Variants in NRXN3 observed in about 807,000 individuals in gnomAD.
NRXN3 encodes neurexin 3.
A neutral mutation model predicts 137.6 loss-of-function variants in NRXN3; 32 were observed. The ratio of observed to expected loss-of-function variants is 0.23; its 90% CI spans 0.18 to 0.31. NRXN3 has a LOEUF of 0.31. NRXN3 is among the 10% of genes least tolerant of loss of function. The pLI, the probability that NRXN3 is intolerant of heterozygous loss-of-function variation, is 1.00. For synonymous variants in NRXN3, 798 were observed against 784.5 expected (o/e 1.02, Z -0.29); for missense variants, 1,574 against 2,062.5 (o/e 0.76, Z 4.59).
chr14:79,768,062 G>A (rs879905812), intron 19 of NRXN3, among the ~76,000 whole-genome samples: 26 of 152,286 alleles, frequency 1.7e-4, no homozygotes, highest in African/African-American at 2.4e-4. Context: ...GTGCTTTTCC[G>A]ACGGGCTTAA....
At chr14:78,465,278 A>G (rs2095064142) in intron 4 of NRXN3, among the ~76,000 whole-genome samples, 1 of 152,182 alleles carries the variant, frequency 6.6e-6, no homozygotes, top group South Asian at 2.1e-4. Flanking sequence ...AATTGTTTAG[A>G]TACCTAAATA....
intron 20 of NRXN3, among the ~76,000 whole-genome samples, chr14:79,809,131 G>C (rs2099222175): frequency 6.6e-6 from 1 of 152,174 alleles, no homozygotes; most frequent in Middle Eastern, 3.2e-3. Context: ...GTTTGAAACA[G>C]AACTTTATAT....
intron 15 of NRXN3, among the ~76,000 whole-genome samples, chr14:79,432,051 G>A (rs915492385): frequency 2.0e-5 from 3 of 151,984 alleles, no homozygotes; most frequent in African/African-American, 7.3e-5. Context: ...AGCCAACAAT[G>A]GTCCTCAATA....
intron 15 of NRXN3, among the ~76,000 whole-genome samples, chr14:79,297,041 A>T (rs1023666649): frequency 7.2e-5 from 11 of 152,164 alleles, no homozygotes; most frequent in African/African-American, 2.7e-4. Context: ...ATCCTATTTA[A>T]GCAGAATCCT....
rs1417125003 is a variant in NRXN3, at chr14:79,862,037, G to T, written c.*73G>T. The T allele has an allele frequency of 7.3e-6, 9 of 1,230,238 alleles. No homozygotes were observed. The highest frequency in any genetic ancestry group is 4.5e-6 in the Non-Finnish European group (4 of 879,346). The allele number at this position is 1,230,238 out of a possible 1,614,324, so 76.2% of individuals were successfully genotyped here. A position where few individuals can be genotyped will look rare whatever the true frequency, so the allele number is the denominator to read the frequency against. ...ACGCCTATGAATCTTTGGACGGTGAGATCTCACAGATGTCAGAACTGCTGG... is the reference window on the plus strand; with the variant it reads ...ACGCCTATGAATCTTTGGACGGTGATATCTCACAGATGTCAGAACTGCTGG... On this transcript the variant is annotated 3_prime_UTR_variant, in exon 21 of 21. Coordinates refer to ENST00000335750, the MANE Select transcript of NRXN3 (RefSeq NM_001330195.2).
intron 15 of NRXN3, among the ~76,000 whole-genome samples, chr14:79,393,008 G>T (rs1008798619): frequency 2.7e-5 from 4 of 148,782 alleles, no homozygotes; most frequent in Non-Finnish European, 4.4e-5. Flanking sequence ...GAAACAACAG[G>T]TGCTGGAGAG....
At chr14:79,757,853 G>A (rs1209421377) in intron 19 of NRXN3, among the ~76,000 whole-genome samples, 3 of 152,064 alleles carry the variant, frequency 2.0e-5, no homozygotes, top group African/African-American at 7.2e-5. Context: ...CCTATCATCC[G>A]AGAGACCATC....
intron 15 of NRXN3, among the ~76,000 whole-genome samples, chr14:79,254,651 G>T (rs2076348862): frequency 6.6e-6 from 1 of 152,116 alleles, no homozygotes; most frequent in South Asian, 2.1e-4. Flanking sequence ...GTTCATTATT[G>T]TGCTGGCCTC....
At chr14:79,307,225 TA>T (rs1326697776) in intron 15 of NRXN3, among the ~76,000 whole-genome samples, 3 of 152,148 alleles carry the variant, frequency 2.0e-5, no homozygotes, top group African/African-American at 7.2e-5. Flanking sequence ...AAACATTAAA[TA>T]AGTTACTCTA....
intron 19 of NRXN3, among the ~76,000 whole-genome samples, chr14:79,751,902 T>A: frequency 6.6e-6 from 1 of 152,110 alleles, no homozygotes; most frequent in Non-Finnish European, 1.5e-5. Context: ...TGAACCAGCC[T>A]TGCATCCCAG....
intron 6 of NRXN3, among the ~76,000 whole-genome samples, chr14:78,660,089 G>A (rs943896337): frequency 2.0e-5 from 3 of 152,010 alleles, no homozygotes; most frequent in Non-Finnish European, 2.9e-5. Context: ...CTGTAAAAAA[G>A]TGGTATGGGC....
intron 15 of NRXN3, among the ~76,000 whole-genome samples, chr14:79,454,668 A>G (rs894419129): frequency 6.6e-6 from 1 of 152,168 alleles, no homozygotes; most frequent in African/African-American, 2.4e-5. Context: ...TTAATGGCAA[A>G]GGCTATATAA....
At chr14:79,096,606 AAT>A (rs2050384826) in intron 15 of NRXN3, among the ~76,000 whole-genome samples, 2 of 12,282 alleles carry the variant, frequency 1.6e-4, no homozygotes, top group Non-Finnish European at 1.3e-3. Flanking sequence ...AATGTGTAAA[AAT>A]AAAAAAAAAA....
Position 78,580,782 on chromosome 14 carries a change from G to T in NRXN3, c.758-64338G>T, listed in dbSNP as rs117193232. ...TGGTAGCTTTGATCATTGTACAAAA[G>T]AAAAGTAGTAACTCTTCTTTGGGGC... On this transcript the variant is annotated intron_variant, in intron 4 of 20. Transcript: ENST00000335750. Among the ~76,000 whole-genome samples, 994 of 152,270 alleles carry T rather than the reference G, an allele frequency of 6.5e-3. 7 individuals carry two copies. The highest frequency in any genetic ancestry group is 0.011 in the Non-Finnish European group (724 of 68,008).
At chr14:78,646,097 TA>T (rs2097685289) in intron 5 of NRXN3, among the ~76,000 whole-genome samples, 1 of 151,976 alleles carries the variant, frequency 6.6e-6, no homozygotes, top group Non-Finnish European at 1.5e-5. Context: ...AGGACCCAAA[TA>T]AAAAAGTCAA....
intron 10 of NRXN3, among the ~76,000 whole-genome samples, chr14:78,859,429 A>G (rs1030779224): frequency 3.4e-4 from 51 of 152,230 alleles, no homozygotes; most frequent in African/African-American, 1.2e-3. Context: ...CCAAGATGTG[A>G]TTCTCTAGAT....
rs924288800 is a variant in NRXN3, at chr14:79,705,863, A to G, written c.4014+7926A>G. ...TCACATTTATTTGTTTATTGTCCCT[A>G]TTTAGTAGATTGTGAGTTCTAGGAT... On this transcript the variant is annotated intron_variant, in intron 19 of 20. Transcript: ENST00000335750. Among the ~76,000 whole-genome samples, 8 of 152,236 alleles carry G rather than the reference A, an allele frequency of 5.3e-5. No individual in the cohort carries two copies. The East Asian group carries it at 1.2e-3, about 22-fold the overall frequency.
At chr14:79,529,256 C>T (rs1014518590) in intron 16 of NRXN3, among the ~76,000 whole-genome samples, 7 of 152,066 alleles carry the variant, frequency 4.6e-5, no homozygotes, top group African/African-American at 7.2e-5. Flanking sequence ...CTGCATGCAC[C>T]GGTGGTCAGA....
chr14:78,613,493 C>T (rs1035344303), intron 4 of NRXN3, among the ~76,000 whole-genome samples: 7 of 151,216 alleles, frequency 4.6e-5, no homozygotes, highest in African/African-American at 7.3e-5. Flanking sequence ...TTGGAACTTC[C>T]GAGGCAACTG....
Sources: gnomAD v4.1 joint callset for allele counts (sites outside exome capture counted in the v4.1 genomes callset) on GRCh38, gnomAD v4.1.1 for gene constraint, MANE v1.5 for transcripts, NCBI Gene and HGNC (gene_info 2026-07-23, HGNC 2026-07-21) for gene names.